TIGAR: variants seen among roughly 807,000 people sequenced by gnomAD.
TIGAR encodes the protein TP53 induced glycolysis regulatory phosphatase, also known as fructose-2,6-bisphosphatase TIGAR.
In TIGAR, 7 loss-of-function variants were observed where a neutral mutation model predicts 17.9. The observed-to-expected ratio is 0.39, with a 90% CI of 0.22 to 0.73. The LOEUF is 0.73. TIGAR is among the 30% of genes least tolerant of loss of function. The pLI, the probability that TIGAR is intolerant of heterozygous loss-of-function variation, is 0.42. For synonymous variants in TIGAR, 94 were observed against 108.6 expected, an observed-to-expected ratio of 0.87 and a Z score of 0.84; for missense variants, 258 against 327.4, an observed-to-expected ratio of 0.79 and a Z score of 1.64.
chr12:4,322,161 TA>T (rs1864488529), intron 1 of TIGAR, among the ~76,000 whole-genome samples: 1 of 152,156 alleles, frequency 6.6e-6, no homozygotes, highest in Non-Finnish European at 1.5e-5. Flanking sequence ...CACGCCCGGC[TA>T]ATTTTTGTAT....
chr12:4,355,577 A>C lies in TIGAR; in HGVS notation c.*2886A>C, dbSNP rs1304603588. Among the ~76,000 whole-genome samples the C allele has an allele frequency of 6.6e-6, 1 of 152,250 alleles. No homozygotes were observed. The highest frequency in any genetic ancestry group is 6.5e-5 in the Admixed American group (1 of 15,286). ...TTATTGGAGTCACATGCATCTCTTCATCTATTCAATACGTATTTTTTGAGC... is the reference window on the plus strand; with the variant it reads ...TTATTGGAGTCACATGCATCTCTTCCTCTATTCAATACGTATTTTTTGAGC... On this transcript the variant is annotated 3_prime_UTR_variant, in exon 6 of 6. Transcript: ENST00000179259.
intron 1 of TIGAR, among the ~76,000 whole-genome samples, chr12:4,330,222 T>C (rs1351603494): frequency 6.6e-6 from 1 of 152,192 alleles, no homozygotes; most frequent in African/African-American, 2.4e-5. Context: ...AAACTAGTGC[T>C]TCACTTAAAA....
At chr12:4,329,906 T>C (rs113073879) in intron 1 of TIGAR, among the ~76,000 whole-genome samples, 11 of 152,198 alleles carry the variant, frequency 7.2e-5, no homozygotes, top group East Asian at 1.9e-4. Context: ...TGAAAACTTA[T>C]GTTGGTAGTG....
chr12:4,336,291 C>A (rs1464428583), intron 2 of TIGAR, among the ~76,000 whole-genome samples: 1 of 152,198 alleles, frequency 6.6e-6, no homozygotes, highest in Non-Finnish European at 1.5e-5. Context: ...CCGTCCCCTC[C>A]AGCAGGCCTC....
chr12:4,354,846 C>T lies in TIGAR; in HGVS notation c.*2155C>T, dbSNP rs189300427. 2.8e-4 allele frequency among the ~76,000 whole-genome samples: 42 copies of T among 150,830 alleles called. No individual in the cohort carries two copies. The East Asian group carries it at 4.5e-3, about 16-fold the overall frequency. On this transcript the variant is annotated 3_prime_UTR_variant, in exon 6 of 6. Coordinates refer to ENST00000179259, the MANE Select transcript of TIGAR (RefSeq NM_020375.3). ...TCTCGGGTTCAAGCAATTCTTGTGC[C>T]TCAGCCTCCTGAGTAGCTGGGACTA...
intron 2 of TIGAR, 133 bp downstream of exon 2, chr12:4,331,450 T>G: frequency 1.2e-6 from 1 of 817,654 alleles, no homozygotes; most frequent in East Asian, 2.5e-5. Flanking sequence ...AATCAAAGCA[T>G]CATAACCACA....
intron 1 of TIGAR, among the ~76,000 whole-genome samples, chr12:4,322,890 G>C (rs1348081742): frequency 3.3e-5 from 5 of 152,054 alleles, no homozygotes; most frequent in Non-Finnish European, 7.4e-5. Context: ...AGCAGAACAG[G>C]AACTAGAGGC....
intron 1 of TIGAR, among the ~76,000 whole-genome samples, chr12:4,329,404 T>C (rs1164632699): frequency 1.4e-5 from 2 of 145,506 alleles, no homozygotes; most frequent in Non-Finnish European, 3.0e-5. Context: ...AGTGGTGTGA[T>C]TGCAGCTCAC....
At chr12:4,337,991 T>G (rs1457710222) in intron 3 of TIGAR, among the ~76,000 whole-genome samples, 2 of 152,016 alleles carry the variant, frequency 1.3e-5, no homozygotes, top group Non-Finnish European at 2.9e-5. Context: ...ATTAGCCAGG[T>G]GTGGTGGCGT....
Position 4,352,408 on chromosome 12 carries a change from G to A in TIGAR, c.530G>A (p.Ser177Asn), listed in dbSNP as rs1009037180. 1.2e-6 allele frequency: 2 copies of A among 1,614,030 alleles called. No homozygotes were observed. Among genetic ancestry groups the A allele is most frequent in the African/African-American group, 2.7e-5 (2 of 74,918 alleles). ...AEIFPLGKNH[S>N]SKVNSDSGIP... ...ATATTTCCTTTAGGAAAAAATCACA[G>A]CTCTAAAGTTAATTCAGACAGCGGT... Residue 177 changes from serine to asparagine, a missense_variant, in exon 6 of 6, where the codon AGC (serine) becomes AAC (asparagine). By Grantham distance (46) the Ser-to-Asn change is conservative (BLOSUM62 1). Transcript: ENST00000179259.
chr12:4,341,720 A>G lies in TIGAR; in HGVS notation c.192+4560A>G, dbSNP rs1864724479. On this transcript the variant is annotated intron_variant, in intron 3 of 5. Transcript: ENST00000179259. ...AAACTAACAAACAGAAAGGACATCC[A>G]TACCAAAACCCCATCTGTACGTCAC... 2.6e-5 allele frequency among the ~76,000 whole-genome samples: 4 copies of G among 152,238 alleles called. No individual in the cohort carries two copies. The South Asian group carries it at 8.3e-4, about 32-fold the overall frequency.
At chr12:4,347,655 G>A (rs1864795470) in intron 3 of TIGAR, among the ~76,000 whole-genome samples, 1 of 152,028 alleles carries the variant, frequency 6.6e-6, no homozygotes, top group Admixed American at 6.6e-5. Context: ...AGTGTCTCAT[G>A]TGCCCCATAA....
chr12:4,358,016 A>G lies in TIGAR; in HGVS notation c.*5325A>G, dbSNP rs1216135433. Among the ~76,000 whole-genome samples, 1 of 151,058 alleles carries G rather than the reference A, an allele frequency of 6.6e-6. No homozygotes were observed. The highest frequency in any genetic ancestry group is 1.5e-5 in the Non-Finnish European group (1 of 67,890). ...CTACTTGGGAGGCTGAGGCAGTAGA[A>G]TGGCGTGAACCCGGGAGGTGGAGCT... On this transcript the variant is annotated 3_prime_UTR_variant, in exon 6 of 6. Coordinates refer to ENST00000179259, the MANE Select transcript of TIGAR (RefSeq NM_020375.3).
At chr12:4,340,768 C>T (rs1275868941) in intron 3 of TIGAR, among the ~76,000 whole-genome samples, 4 of 152,156 alleles carry the variant, frequency 2.6e-5, no homozygotes, top group African/African-American at 9.7e-5. Context: ...TCATTTTTGA[C>T]AAAGATGCCA....
intron 2 of TIGAR, among the ~76,000 whole-genome samples, chr12:4,333,861 A>G (rs946312219): frequency 1.3e-5 from 2 of 152,178 alleles, no homozygotes; most frequent in Non-Finnish European, 2.9e-5. Flanking sequence ...TGGCCTCCCA[A>G]AGTGTTGGGA....
chr12:4,325,995 TG>T (rs1864543149), intron 1 of TIGAR, among the ~76,000 whole-genome samples: 1 of 152,246 alleles, frequency 6.6e-6, no homozygotes, highest in African/African-American at 2.4e-5. Flanking sequence ...TTGAGGTTTC[TG>T]TATGATTTTT....
rs1325141954 is a variant in TIGAR, at chr12:4,358,861, T to C, written c.*6170T>C. On this transcript the variant is annotated 3_prime_UTR_variant, in exon 6 of 6. Coordinates refer to ENST00000179259, the MANE Select transcript of TIGAR (RefSeq NM_020375.3). ...GCCCTTCTTTTTTTCTCCCACCATCTATCTAACCAGATGAACTTTGTCTTT... is the reference window on the plus strand; with the variant it reads ...GCCCTTCTTTTTTTCTCCCACCATCCATCTAACCAGATGAACTTTGTCTTT... Among the ~76,000 whole-genome samples the C allele has an allele frequency of 1.3e-5, 2 of 152,142 alleles. No homozygotes were observed. The highest frequency in any genetic ancestry group is 2.4e-5 in the African/African-American group (1 of 41,436).
Position 4,353,816 on chromosome 12 carries a change from A to AGAG in TIGAR, c.*1127_*1129dup, listed in dbSNP as rs1279742430. The AGAG allele has an allele frequency of 7.1e-6, 1 of 141,800 alleles. No individual in the cohort carries two copies. The highest frequency in any genetic ancestry group is 2.4e-4 in the East Asian group (1 of 4,184). The allele number at this position is 141,800 out of a possible 1,614,324, so 8.8% of individuals were successfully genotyped here. A position where few individuals can be genotyped will look rare whatever the true frequency, so the allele number is the denominator to read the frequency against. On this transcript the variant is annotated 3_prime_UTR_variant, in exon 6 of 6. Transcript: ENST00000179259. The stretch of plus-strand genomic sequence containing the variant: ...ACCACTTCACTCCAGCCTAGGTGAC[A>AGAG]GAGGGGATGACAGAGGGTGCTCTGC...
At chr12:4,331,419 C>T in intron 2 of TIGAR, 102 bp downstream of exon 2, 1 of 1,052,122 alleles carries the variant, frequency 9.5e-7, no homozygotes, top group Non-Finnish European at 1.5e-6. Flanking sequence ...GGCAGCACTC[C>T]ATTGTGAATT....
Sources: allele counts gnomAD v4.1 joint callset (sites outside exome capture counted in the v4.1 genomes callset), GRCh38; gene constraint gnomAD v4.1.1; transcripts MANE v1.5; gene names NCBI Gene and HGNC (gene_info 2026-07-23, HGNC 2026-07-21).